Variants in OLA1 observed in about 807,000 individuals in gnomAD.
The protein encoded by OLA1 is Obg like ATPase 1.
A neutral mutation model predicts 48.4 loss-of-function variants in OLA1; 14 were observed. The ratio of observed to expected loss-of-function variants is 0.29; its 90% CI spans 0.19 to 0.45. The LOEUF is 0.45. OLA1 is among the 20% of genes least tolerant of loss of function. The pLI is 1.00. For missense variants in OLA1, 325 were observed against 467.1 expected, an observed-to-expected ratio of 0.70 and a Z score of 2.80; for synonymous variants, 127 against 150.4, an observed-to-expected ratio of 0.84 and a Z score of 1.14.
At chr2:174,147,146 G>A (rs576658049) in intron 4 of OLA1, among the ~76,000 whole-genome samples, 1 of 152,092 alleles carries the variant, frequency 6.6e-6, no homozygotes, top group African/African-American at 2.4e-5. Context: ...AACAAAAAAG[G>A]CCAGGTGCGG....
At chr2:174,151,658 T>C (rs532803272) in intron 4 of OLA1, among the ~76,000 whole-genome samples, 2 of 152,234 alleles carry the variant, frequency 1.3e-5, no homozygotes, top group Admixed American at 6.5e-5. Flanking sequence ...TATTACCTTA[T>C]GTCAGAACTC....
At position 174,073,918 on chromosome 2, in the gene OLA1, C is replaced by T. The variant is rs2105334584; in HGVS notation, c.*1508G>A. ...TAAAAAACCCTTCATTAGTTTTATTCTTATTTCTCTGCTGTAGTTTACTCA... is the reference window on the plus strand; with the variant it reads ...TAAAAAACCCTTCATTAGTTTTATTTTTATTTCTCTGCTGTAGTTTACTCA... On this transcript the variant is annotated 3_prime_UTR_variant, in exon 11 of 11. Coordinates refer to ENST00000284719, the MANE Select transcript of OLA1 (RefSeq NM_013341.5). 6.6e-6 allele frequency: 1 copy of T among 152,162 alleles called. No individual in the cohort carries two copies. The highest frequency in any genetic ancestry group is 1.5e-5 in the Non-Finnish European group (1 of 67,960). 9.4% of individuals were successfully genotyped at this position (152,162 alleles called of 1,614,324 possible).
At chr2:174,121,602 T>C (rs1400862869) in intron 7 of OLA1, among the ~76,000 whole-genome samples, 1 of 150,114 alleles carries the variant, frequency 6.7e-6, no homozygotes, top group Non-Finnish European at 1.5e-5. Flanking sequence ...TTTTATAAAA[T>C]AGGATCATTC....
At chr2:174,100,393 A>G (rs1685363514) in intron 7 of OLA1, among the ~76,000 whole-genome samples, 1 of 152,136 alleles carries the variant, frequency 6.6e-6, no homozygotes, top group Admixed American at 6.6e-5. Flanking sequence ...CCTAGTAGGA[A>G]ACAAGGAGAC....
At chr2:174,214,128 T>C (rs1339451591) in intron 4 of OLA1, among the ~76,000 whole-genome samples, 1 of 151,588 alleles carries the variant, frequency 6.6e-6, no homozygotes, top group Admixed American at 6.6e-5. Flanking sequence ...AGGTCAGGAG[T>C]TGGAGACTAG....
chr2:174,223,675 T>C (rs189061496), intron 3 of OLA1, among the ~76,000 whole-genome samples: 19 of 150,570 alleles, frequency 1.3e-4, no homozygotes, highest in Non-Finnish European at 1.6e-4. Flanking sequence ...AAATCTATTG[T>C]ATTCAAGATC....
intron 7 of OLA1, among the ~76,000 whole-genome samples, chr2:174,111,845 G>A (rs1004620454): frequency 4.3e-4 from 66 of 152,152 alleles, no homozygotes; most frequent in Admixed American, 1.6e-3. Context: ...AGTGGTTGAA[G>A]AAAGTAGTTT....
rs539317894 is a variant in OLA1 at position 174,236,411 on chromosome 2, C to CT, written c.102-6961dup. On this transcript the variant is annotated intron_variant, in intron 2 of 10. Transcript: ENST00000284719. Reference sequence around the variant, plus strand: ...AAATGAAATTGAAATGAAAAATACACTGGACATGATTAACAGAAGATTGGA... The same window carrying CT: ...AAATGAAATTGAAATGAAAAATACACTTGGACATGATTAACAGAAGATTGGA... 3.0e-4 allele frequency among the ~76,000 whole-genome samples: 45 copies of CT among 152,098 alleles called. No homozygotes were observed. In the East Asian group the frequency reaches 8.3e-3, roughly 28 times the overall value.
intron 5 of OLA1, among the ~76,000 whole-genome samples, chr2:174,131,730 G>A (rs1686186063): frequency 6.6e-6 from 1 of 152,064 alleles, no homozygotes; most frequent in Non-Finnish European, 1.5e-5. Context: ...TGAAGTACTT[G>A]TGAAGTCTCT....
At position 174,153,433 on chromosome 2, in the gene OLA1, T is replaced by G. The variant is rs1254005269; in HGVS notation, c.374-11433A>C. ...TAGAAAGACATGAAAAACATTAAAA[T>G]TGGAGCTTATATTTAGTATAGTAGC... On this transcript the variant is annotated intron_variant, in intron 4 of 10. Coordinates refer to ENST00000284719, the MANE Select transcript of OLA1 (RefSeq NM_013341.5). Among the ~76,000 whole-genome samples, 3 of 152,146 alleles carry G rather than the reference T, an allele frequency of 2.0e-5. No individual in the cohort carries two copies. The East Asian group carries it at 5.8e-4, about 29-fold the overall frequency.
chr2:174,099,848 G>A (rs1384902642), intron 7 of OLA1, among the ~76,000 whole-genome samples: 2 of 152,082 alleles, frequency 1.3e-5, no homozygotes, highest in African/African-American at 4.8e-5. Flanking sequence ...TTTAAATTTT[G>A]TTCCCAGTGG....
chr2:174,101,039 C>T (rs1685385391), intron 7 of OLA1, among the ~76,000 whole-genome samples: 1 of 152,130 alleles, frequency 6.6e-6, no homozygotes, highest in South Asian at 2.1e-4. Context: ...TGAGTAAATA[C>T]TGAAAGTTGG....
chr2:174,217,491 A>T (rs1688388637), intron 4 of OLA1, among the ~76,000 whole-genome samples: 1 of 152,216 alleles, frequency 6.6e-6, no homozygotes, highest in South Asian at 2.1e-4. Flanking sequence ...TAAAAGGAAA[A>T]GTATAAGAAA....
chr2:174,149,443 C>T (rs1407470900), intron 4 of OLA1, among the ~76,000 whole-genome samples: 1 of 152,118 alleles, frequency 6.6e-6, no homozygotes, highest in Non-Finnish European at 1.5e-5. Context: ...TCAGAACTCC[C>T]CTGAGTGGCT....
intron 4 of OLA1, 140 bp downstream of exon 4, chr2:174,222,893 C>G (rs1230209028): frequency 1.1e-5 from 9 of 832,146 alleles, no homozygotes; most frequent in Non-Finnish European, 1.5e-5. Context: ...ATTAAAGTCA[C>G]AGATTTACAG....
chr2:174,172,572 G>A (rs186507376), intron 4 of OLA1: 26 of 164,558 alleles, frequency 1.6e-4, no homozygotes, highest in South Asian at 1.5e-3. Flanking sequence ...AGTAGGTATC[G>A]GGGATACAGA....
chr2:174,150,139 G>T (rs1225848791), intron 4 of OLA1, among the ~76,000 whole-genome samples: 2 of 152,206 alleles, frequency 1.3e-5, no homozygotes, highest in African/African-American at 4.8e-5. Context: ...GTTGAGAAGT[G>T]GGATCTCTGG....
At chr2:174,101,206 C>T (rs942835503) in intron 7 of OLA1, among the ~76,000 whole-genome samples, 1 of 152,168 alleles carries the variant, frequency 6.6e-6, no homozygotes, top group Non-Finnish European at 1.5e-5. Flanking sequence ...TCATTTTAGC[C>T]ATTCTATTAA....
chr2:174,188,673 G>A (rs1341685581), intron 4 of OLA1, among the ~76,000 whole-genome samples: 2 of 152,188 alleles, frequency 1.3e-5, no homozygotes, highest in Non-Finnish European at 2.9e-5. Flanking sequence ...AACAACTACA[G>A]ATTGTCCCCA....
Sources: allele counts gnomAD v4.1 joint callset (sites outside exome capture counted in the v4.1 genomes callset), GRCh38; gene constraint gnomAD v4.1.1; transcripts MANE v1.5; gene names NCBI Gene and HGNC (gene_info 2026-07-23, HGNC 2026-07-21).